Variants in CACNA2D1 observed in about 807,000 individuals in gnomAD.
CACNA2D1 encodes voltage-dependent calcium channel subunit alpha-2/delta-1.
CACNA2D1 carries 53 observed loss-of-function variants against 171.5 expected under a neutral mutation model. The observed-to-expected ratio is 0.31, with a 90% CI of 0.25 to 0.39. The LOEUF (loss-of-function observed/expected upper bound fraction) is 0.39, where lower values mean the gene tolerates loss of function less well. Among genes scored for constraint, CACNA2D1 ranks in the 10% least tolerant of loss-of-function variants. The pLI, the probability that CACNA2D1 is intolerant of heterozygous loss-of-function variation, is 1.00. For missense variants in CACNA2D1, 903 were observed against 1,299.8 expected, an observed-to-expected ratio of 0.69 and a Z score of 4.69; for synonymous variants, 442 against 443.1, an observed-to-expected ratio of 1.00 and a Z score of 0.03.
rs1807325490 is a variant in CACNA2D1 at position 82,064,243 on chromosome 7, C to T, written c.779+61G>A. ...AACCTTTCTTAGTCCCACCATACTA[C>T]TGTTATCTACAAATCCTCCCATATT... On this transcript the variant is annotated intron_variant, in intron 9 of 38. Transcript: ENST00000356860. 2.6e-6 allele frequency: 3 copies of T among 1,151,086 alleles called. No homozygotes were observed. The South Asian group carries it at 3.8e-5, about 15-fold the overall frequency. The allele number at this position is 1,151,086 out of a possible 1,614,324, so 71.3% of individuals were successfully genotyped here.
rs371385778 is a variant in CACNA2D1, at chr7:82,169,087, TAATC to T, written c.354+1459_354+1462del. On this transcript the variant is annotated intron_variant, in intron 4 of 38. Coordinates refer to ENST00000356860, the MANE Select transcript of CACNA2D1 (RefSeq NM_000722.4). ...AAGAGTAATTTATATTTAATGTTGT[TAATC>T]AAACATATATTTAGCTAGATTTGTT... Among the ~76,000 whole-genome samples, 4 of 152,210 alleles carry T rather than the reference TAATC, an allele frequency of 2.6e-5. No homozygotes were observed. The East Asian group carries it at 5.8e-4, about 22-fold the overall frequency.
chr7:82,278,832 T>C (rs1049952718), intron 3 of CACNA2D1, among the ~76,000 whole-genome samples: 1 of 152,132 alleles, frequency 6.6e-6, no homozygotes, highest in Non-Finnish European at 1.5e-5. Flanking sequence ...TCAAAGCAGA[T>C]ACAGAGGGGT....
chr7:82,411,276 T>C (rs1051886589), intron 1 of CACNA2D1, among the ~76,000 whole-genome samples: 1 of 152,198 alleles, frequency 6.6e-6, no homozygotes, highest in African/African-American at 2.4e-5. Context: ...TGAAATCAGA[T>C]AGACCTGAGT....
At chr7:82,422,722 G>A (rs1828820671) in intron 1 of CACNA2D1, among the ~76,000 whole-genome samples, 1 of 152,016 alleles carries the variant, frequency 6.6e-6, no homozygotes. Flanking sequence ...AGGACTGCAT[G>A]GAAAGGCATT....
At chr7:82,055,944 A>ATC (rs1357931386) in intron 10 of CACNA2D1, among the ~76,000 whole-genome samples, 1 of 139,756 alleles carries the variant, frequency 7.2e-6, no homozygotes, top group East Asian at 2.2e-4. Context: ...ATATATATAT[A>ATC]TATAATTTTT....
intron 3 of CACNA2D1, among the ~76,000 whole-genome samples, chr7:82,191,505 TATAACTCAA>T (rs1326005898): frequency 6.6e-6 from 1 of 151,790 alleles, no homozygotes; most frequent in East Asian, 1.9e-4. Context: ...ATCACCACCT[TATAACTCAA>T]AGAACACAAA....
chr7:81,953,423 G>A (rs1014869401), intron 38 of CACNA2D1, among the ~76,000 whole-genome samples: 1 of 151,992 alleles, frequency 6.6e-6, no homozygotes, highest in Non-Finnish European at 1.5e-5. Flanking sequence ...CTCTGCTTCA[G>A]TAACACTGGC....
chr7:82,200,426 G>T (rs903455587), intron 3 of CACNA2D1, among the ~76,000 whole-genome samples: 4 of 151,650 alleles, frequency 2.6e-5, no homozygotes, highest in East Asian at 1.9e-4. Flanking sequence ...TCAGTAATAC[G>T]CATATATTTT....
rs544305639 is a variant in CACNA2D1, at chr7:82,386,317, A to G, written c.96-36668T>C. Among the ~76,000 whole-genome samples the G allele has an allele frequency of 3.7e-4, 57 of 152,330 alleles. 1 individual carries two copies. The Middle Eastern group carries it at 0.02, about 55-fold the overall frequency. On this transcript the variant is annotated intron_variant, in intron 1 of 38. Coordinates refer to ENST00000356860, the MANE Select transcript of CACNA2D1 (RefSeq NM_000722.4). ...GGACACTTTTACATAAAATACAACC[A>G]AACATCATTACAAAGGTCAAAATAT...
At chr7:82,156,698 G>A (rs2367909) in intron 4 of CACNA2D1, among the ~76,000 whole-genome samples, 5 of 132,504 alleles carry the variant, frequency 3.8e-5, no homozygotes, top group Non-Finnish European at 7.7e-5. Context: ...GATATTAAAC[G>A]TTTTTTTAAA....
rs1233671264 is a variant in CACNA2D1 at position 81,974,660 on chromosome 7, CA to C, written c.1956-109del. On this transcript the variant is annotated intron_variant, in intron 24 of 38. Coordinates refer to ENST00000356860, the MANE Select transcript of CACNA2D1 (RefSeq NM_000722.4). ...TTTTTTTATTAGCCACAAGACTTTG[CA>C]AACTATTGAGCTTCTTGTTACTTCC... The C allele has an allele frequency of 4.7e-6, 3 of 634,064 alleles. No individual in the cohort carries two copies. The African/African-American group carries it at 5.6e-5, about 12-fold the overall frequency. 39.3% of individuals were successfully genotyped at this position (634,064 alleles called of 1,614,324 possible).
At chr7:82,418,870 G>A (rs1828437322) in intron 1 of CACNA2D1, among the ~76,000 whole-genome samples, 1 of 152,122 alleles carries the variant, frequency 6.6e-6, no homozygotes, top group Admixed American at 6.5e-5. Flanking sequence ...TGTAATCCCA[G>A]CACTTTGGGA....
intron 6 of CACNA2D1, among the ~76,000 whole-genome samples, chr7:82,099,528 C>T (rs1290307607): frequency 2.0e-5 from 2 of 100,570 alleles, no homozygotes; most frequent in East Asian, 6.6e-4. Flanking sequence ...CGGCTCACTG[C>T]AAGCTCCGCC....
chr7:82,379,723 T>C (rs1823477933), intron 1 of CACNA2D1, among the ~76,000 whole-genome samples: 1 of 152,176 alleles, frequency 6.6e-6, no homozygotes, highest in South Asian at 2.1e-4. Context: ...TGGTAAGAAC[T>C]GGAAATAATT....
chr7:82,292,691 T>A (rs1399865291), intron 3 of CACNA2D1, among the ~76,000 whole-genome samples: 1 of 152,184 alleles, frequency 6.6e-6, no homozygotes, highest in Non-Finnish European at 1.5e-5. Flanking sequence ...AGCTGTAATA[T>A]AATTTCTTCA....
Position 81,965,599 on chromosome 7 carries a change from T to G in CACNA2D1, c.2569A>C (p.Asn857His). The change falls in exon 32 of 39, where the codon AAT becomes CAT. Residue 857 changes from asparagine (N) to histidine (H), a missense_variant. Coordinates refer to ENST00000356860, the MANE Select transcript of CACNA2D1 (RefSeq NM_000722.4). ...CTCTTATTTGAGGTACATACCTGAT[T>G]AGTATAATCATCATGATTTGCCATC... ...LLMANHDDYT[N>H]QIGRFFGEID... 6.5e-7 allele frequency: 1 copy of G among 1,534,530 alleles called. No individual in the cohort carries two copies. The highest frequency in any genetic ancestry group is 9.0e-7 in the Non-Finnish European group (1 of 1,108,200).
chr7:82,421,275 G>A (rs534565760), intron 1 of CACNA2D1, among the ~76,000 whole-genome samples: 161 of 152,312 alleles, frequency 1.1e-3, no homozygotes, highest in African/African-American at 3.7e-3. Flanking sequence ...TTCAGAAGCA[G>A]ATATCCCAGA....
intron 5 of CACNA2D1, among the ~76,000 whole-genome samples, chr7:82,134,854 C>T (rs1446328787): frequency 6.6e-6 from 1 of 152,078 alleles, no homozygotes; most frequent in Non-Finnish European, 1.5e-5. Context: ...GTAACACGTG[C>T]ACTTTTCCAC....
chr7:82,291,207 TA>T (rs1811514850), intron 3 of CACNA2D1, among the ~76,000 whole-genome samples: 1 of 143,944 alleles, frequency 6.9e-6, no homozygotes, highest in South Asian at 2.1e-4. Context: ...TCTATATCTA[TA>T]AAATTCTATA....
Sources: gnomAD v4.1 joint callset for allele counts (sites outside exome capture counted in the v4.1 genomes callset) on GRCh38, gnomAD v4.1.1 for gene constraint, MANE v1.5 for transcripts, NCBI Gene and HGNC (gene_info 2026-07-23, HGNC 2026-07-21) for gene names.